The following CHAT variants were observed in gnomAD, a reference collection of about 807,000 sequenced individuals.
The protein encoded by CHAT is acetyl CoA:choline O-acetyltransferase.
CHAT carries 61 observed loss-of-function variants against 76.9 expected under a neutral mutation model. The observed-to-expected ratio is 0.79, with a 90% CI of 0.65 to 0.98. CHAT has a LOEUF of 0.98. Among genes scored for constraint, CHAT ranks in the 50% least tolerant of loss-of-function variants. The probability of loss-of-function intolerance (pLI) is 0.00; values close to 1 mark genes in which losing one functional copy is unlikely to be tolerated. For missense variants in CHAT, 946 were observed against 986.9 expected (o/e 0.96, Z 0.56); for synonymous variants, 407 against 397.4 (o/e 1.02, Z -0.29).
upstream of CHAT, chr10:49,610,687 C>A (rs1348048073): frequency 3.5e-6 from 5 of 1,443,414 alleles, no homozygotes; most frequent in East Asian, 2.5e-5. Flanking sequence ...CACTGCGGGA[C>A]GCCAGCGCTC....
chr10:49,627,683 G>A lies in CHAT; in HGVS notation c.1009G>A (p.Val337Ile). 1 of 1,614,188 alleles carries A rather than the reference G, an allele frequency of 6.2e-7. No individual in the cohort carries two copies. Among genetic ancestry groups the A allele is most frequent in the Non-Finnish European group, 8.5e-7 (1 of 1,179,996 alleles). The change falls in exon 7 of 15, where the codon GTC (valine) becomes ATC (isoleucine). Residue 337 changes from valine to isoleucine, a missense_variant. By Grantham distance (29) the Val-to-Ile change is conservative. This residue lies in a region of CHAT where 548 missense variants were observed against 516.2 expected (regional missense o/e 1.06). Transcript: ENST00000337653. ...TCTGTTCACTCAGTTGAGAAAGATA[G>A]TCAAAATGGCTTCCAACGAGGACGA... is the stretch of plus-strand genomic sequence containing the variant. ...GDLFTQLRKI[V>I]KMASNEDERL...
At chr10:49,652,779 C>T (rs1036008304) in intron 11 of CHAT, among the ~76,000 whole-genome samples, 2 of 152,210 alleles carry the variant, frequency 1.3e-5, no homozygotes, top group East Asian at 3.9e-4. Flanking sequence ...CCTCCCACAC[C>T]CCCAGCTCTC....
intron 7 of CHAT, among the ~76,000 whole-genome samples, chr10:49,640,565 G>C (rs1294934145): frequency 1.3e-5 from 2 of 152,080 alleles, no homozygotes. Flanking sequence ...AAAGGACGGA[G>C]GGCTGGTTAT....
intron 13 of CHAT, among the ~76,000 whole-genome samples, chr10:49,659,339 T>C (rs1337118897): frequency 1.3e-5 from 2 of 152,130 alleles, no homozygotes; most frequent in East Asian, 1.9e-4. Context: ...TACTGGAGAA[T>C]GTAGACTTCT....
At chr10:49,627,806 C>T (rs774117465) in intron 7 of CHAT, 21 bp downstream of exon 7, 4 of 1,610,482 alleles carry the variant, frequency 2.5e-6, no homozygotes, top group East Asian at 2.2e-5. Context: ...GTGCCCAGCA[C>T]ATCTCCATGC....
chr10:49,610,191 C>G (rs1447911029), upstream of CHAT: 1 of 152,098 alleles, frequency 6.6e-6, no homozygotes, highest in Non-Finnish European at 1.5e-5. Context: ...GCCCCCGCCC[C>G]GCCGACGTCG....
intron 2 of CHAT, among the ~76,000 whole-genome samples, chr10:49,618,254 A>G (rs1003965180): frequency 2.6e-5 from 4 of 152,224 alleles, no homozygotes; most frequent in Admixed American, 2.6e-4. Context: ...CCAGCTGAGA[A>G]CAGTTTATAA....
At position 49,614,044 on chromosome 10, in the gene CHAT, G is replaced by T; in HGVS notation, c.-146G>T. 1 of 1,412,888 alleles carries T rather than the reference G, an allele frequency of 7.1e-7. No individual in the cohort carries two copies. 87.5% of individuals were successfully genotyped at this position (1,412,888 alleles called of 1,614,324 possible). A position where few individuals can be genotyped will look rare whatever the true frequency, so the allele number is the denominator to read the frequency against. On this transcript the variant is annotated 5_prime_UTR_variant, in exon 1 of 15. Coordinates refer to ENST00000337653, the MANE Select transcript of CHAT (RefSeq NM_020549.5). The stretch of plus-strand genomic sequence containing the variant: ...GGAAGTGCGGTGACTGGGAAATGCT[G>T]AGCTAGGGGCAGGAGGCATGGGCGG...
At chr10:49,633,681 A>G (rs1451972648) in intron 7 of CHAT, among the ~76,000 whole-genome samples, 2 of 152,308 alleles carry the variant, frequency 1.3e-5, no homozygotes, top group East Asian at 3.9e-4. Context: ...TTAGACATTC[A>G]GCCCCGAGTC....
chr10:49,611,445 C>G, upstream of CHAT: 1 of 1,598,278 alleles, frequency 6.3e-7, no homozygotes, highest in Non-Finnish European at 8.5e-7. Flanking sequence ...GGGGCATCCT[C>G]TATGAGTTCG....
rs78265882 is a variant in CHAT at position 49,643,947 on chromosome 10, G to A, written c.1112-2558G>A. On this transcript the variant is annotated intron_variant, in intron 7 of 14. Coordinates refer to ENST00000337653, the MANE Select transcript of CHAT (RefSeq NM_020549.5). ...TGCAAGTGCTGACTGTCCAAAGCAC[G>A]GTGGTCTGGGAATGGCATTGGGGTC... 6.7e-3 allele frequency among the ~76,000 whole-genome samples: 1,022 copies of A among 152,366 alleles called. 11 individuals are homozygous for A. Among genetic ancestry groups the A allele is most frequent in the African/African-American group, 0.023 (970 of 41,586 alleles).
At chr10:49,642,734 C>T (rs930549406) in intron 7 of CHAT, among the ~76,000 whole-genome samples, 7 of 152,360 alleles carry the variant, frequency 4.6e-5, no homozygotes, top group East Asian at 3.9e-4. Context: ...TTTTAAGGAT[C>T]GCTTAGTGAA....
chr10:49,657,463 G>A (rs1321596830), intron 13 of CHAT, among the ~76,000 whole-genome samples: 1 of 151,992 alleles, frequency 6.6e-6, no homozygotes, highest in Non-Finnish European at 1.5e-5. Context: ...TATATAAAAA[G>A]CAGTTAGACC....
chr10:49,663,311 C>T (rs1840256094), intron 14 of CHAT, among the ~76,000 whole-genome samples: 1 of 152,176 alleles, frequency 6.6e-6, no homozygotes, highest in East Asian at 1.9e-4. Context: ...GAGGTGGAGA[C>T]AGTACAGGAA....
At chr10:49,638,070 ATTTCTCC>A (rs1839354413) in intron 7 of CHAT, among the ~76,000 whole-genome samples, 1 of 152,140 alleles carries the variant, frequency 6.6e-6, no homozygotes, top group African/African-American at 2.4e-5. Flanking sequence ...GGATTTGGCT[ATTTCTCC>A]TTTCAGTTCT....
rs182935725 is a variant in CHAT at position 49,627,710 on chromosome 10, C to T, written c.1036C>T (p.Arg346Cys). ...IVKMASNEDERLPPIGLLTSD... is the reference protein window; with the variant it reads ...IVKMASNEDECLPPIGLLTSD... The stretch of plus-strand genomic sequence containing the variant: ...CAAAATGGCTTCCAACGAGGACGAG[C>T]GTTTGCCTCCAATTGGCCTGCTGAC... Residue 346 changes from arginine (R) to cysteine (C), a missense_variant, in exon 7 of 15, where the codon CGT (arginine) becomes TGT (cysteine). Arg to Cys is a radical substitution (Grantham distance 180, BLOSUM62 -3). Around this residue, in one of 3 missense-constraint regions of CHAT, gnomAD observed 548 missense variants for 516.2 expected, o/e 1.06. Transcript: ENST00000337653. The T allele has an allele frequency of 9.3e-6, 15 of 1,614,128 alleles. No individual in the cohort carries two copies. Among genetic ancestry groups the T allele is most frequent in the East Asian group, 4.5e-5 (2 of 44,886 alleles).
Position 49,614,386 on chromosome 10 carries a change from G to T in CHAT, c.197G>T (p.Arg66Leu). Residue 66 changes from arginine (R) to leucine (L), a missense_variant, in exon 1 of 15, where the codon CGC (arginine) becomes CTC (leucine). This residue lies in a region of CHAT where 548 missense variants were observed against 516.2 expected (regional missense o/e 1.06). Coordinates refer to ENST00000337653, the MANE Select transcript of CHAT (RefSeq NM_020549.5). ...AGCCCCCACCCCCGCGCTGCGACAC[G>T]CCCCCCACCCCTTCCGGCTCACACC... ...GCSPHPRAAT[R>L]PPPLPAHTPA... The T allele has an allele frequency of 3.3e-6, 5 of 1,520,672 alleles. No individual in the cohort carries two copies. The highest frequency in any genetic ancestry group is 2.0e-5 in the Admixed American group (1 of 50,690). 94.2% of individuals were successfully genotyped at this position (1,520,672 alleles called of 1,614,324 possible).
intron 13 of CHAT, among the ~76,000 whole-genome samples, chr10:49,659,920 T>C (rs1840141555): frequency 6.6e-6 from 1 of 152,152 alleles, no homozygotes; most frequent in African/African-American, 2.4e-5. Flanking sequence ...AGTAAAAAAG[T>C]AATTTATACA....
At chr10:49,649,433 GCA>G in intron 9 of CHAT, 73 bp from the exon 10 acceptor site, 1 of 1,606,502 alleles carries the variant, frequency 6.2e-7, no homozygotes, top group Non-Finnish European at 8.5e-7. Flanking sequence ...TAAGATGATT[GCA>G]CAGAGCAAAG....
Sources: gnomAD v4.1 joint callset for allele counts (sites outside exome capture counted in the v4.1 genomes callset) on GRCh38, gnomAD v4.1.1 for gene constraint, gnomAD v4.1.1 regional missense constraint, MANE v1.5 for transcripts, NCBI Gene and HGNC (gene_info 2026-07-23, HGNC 2026-07-21) for gene names.